SGK1: variants seen among roughly 807,000 people sequenced by gnomAD.
The protein encoded by SGK1 is serum/glucocorticoid regulated kinase 1.
In SGK1, 26 loss-of-function variants were observed where a neutral mutation model predicts 64.2. The observed-to-expected ratio is 0.40, with a 90% CI of 0.30 to 0.56. SGK1 has a LOEUF of 0.56. Ranked by LOEUF, SGK1 falls within the 20% of genes least tolerant of loss-of-function variation. SGK1 has a pLI of 0.38. For missense variants in SGK1, 519 were observed against 645.6 expected, an observed-to-expected ratio of 0.80 and a Z score of 2.12; for synonymous variants, 265 against 239.7, an observed-to-expected ratio of 1.11 and a Z score of -0.98.
chr6:134,207,010 G>T (rs1039065125), intron 3 of SGK1, among the ~76,000 whole-genome samples: 1 of 152,254 alleles, frequency 6.6e-6, no homozygotes, highest in East Asian at 1.9e-4. Context: ...CGAATCACAA[G>T]GTCAGGAGAT....
intron 2 of SGK1, among the ~76,000 whole-genome samples, chr6:134,251,613 G>A (rs1467533763): frequency 6.6e-5 from 10 of 152,094 alleles, no homozygotes; most frequent in African/African-American, 2.2e-4. Context: ...CACTGGGAAC[G>A]CGGCACACTG....
intron 2 of SGK1, among the ~76,000 whole-genome samples, chr6:134,248,596 CA>C (rs1209486728): frequency 6.6e-6 from 1 of 151,852 alleles, no homozygotes; most frequent in Non-Finnish European, 1.5e-5. Flanking sequence ...GGATTACAGT[CA>C]TGTGCCACGA....
chr6:134,311,878 A>G (rs1040033979), intron 1 of SGK1, among the ~76,000 whole-genome samples: 3 of 152,180 alleles, frequency 2.0e-5, no homozygotes, highest in Non-Finnish European at 4.4e-5. Flanking sequence ...GAAAAAATCT[A>G]AAGCAGACTT....
At chr6:134,253,414 A>AT (rs1776634615) in intron 2 of SGK1, among the ~76,000 whole-genome samples, 2 of 151,812 alleles carry the variant, frequency 1.3e-5, no homozygotes, top group Admixed American at 6.6e-5. Context: ...GATTACAGAC[A>AT]TGAGCCACCG....
At chr6:134,274,441 G>T (rs1278871943) in intron 1 of SGK1, among the ~76,000 whole-genome samples, 2 of 152,154 alleles carry the variant, frequency 1.3e-5, no homozygotes, top group Non-Finnish European at 2.9e-5. Context: ...ATGGAAAGGA[G>T]GAAACAATAA....
At chr6:134,172,964 C>T in intron 8 of SGK1, 59 bp downstream of exon 8, 1 of 1,559,294 alleles carries the variant, frequency 6.4e-7, no homozygotes, top group Non-Finnish European at 8.7e-7. Flanking sequence ...TTTTCTCAAA[C>T]TAAAACAAAG....
intron 3 of SGK1, among the ~76,000 whole-genome samples, chr6:134,179,883 C>T (rs1186460099): frequency 4.6e-5 from 7 of 152,178 alleles, no homozygotes; most frequent in African/African-American, 1.7e-4. Flanking sequence ...TTTTTTATGT[C>T]ATTCAGGGGA....
chr6:134,249,253 G>T (rs1776570741), intron 2 of SGK1, among the ~76,000 whole-genome samples: 1 of 152,154 alleles, frequency 6.6e-6, no homozygotes, highest in African/African-American at 2.4e-5. Context: ...TTTTGTGATT[G>T]AAACATGAAA....
At chr6:134,223,238 C>T (rs963884282) in intron 2 of SGK1, among the ~76,000 whole-genome samples, 13 of 151,542 alleles carry the variant, frequency 8.6e-5, no homozygotes, top group East Asian at 1.9e-4. Flanking sequence ...CGTGGTGGTG[C>T]GTGCCTGTAA....
At chr6:134,218,396 T>A (rs554263772) in intron 2 of SGK1, among the ~76,000 whole-genome samples, 1 of 152,060 alleles carries the variant, frequency 6.6e-6, no homozygotes, top group Non-Finnish European at 1.5e-5. Context: ...GACAGACAGA[T>A]CTTGCCCTCA....
At chr6:134,191,735 C>G (rs1775513317) in intron 3 of SGK1, among the ~76,000 whole-genome samples, 2 of 150,282 alleles carry the variant, frequency 1.3e-5, no homozygotes, top group African/African-American at 4.9e-5. Flanking sequence ...GTGGCGTGAT[C>G]TCGGCTCACT....
chr6:134,206,370 TA>T (rs1562250372), intron 3 of SGK1, among the ~76,000 whole-genome samples: 70 of 6,774 alleles, frequency 0.01, no homozygotes, highest in Non-Finnish European at 0.011. Flanking sequence ...TATATATATA[TA>T]TATATATATA....
In SGK1 at chr6:134,256,088, C is replaced by CTTTTTTTTTTTT. The variant is rs68106923; in HGVS notation, c.285+5833_285+5844dup. The stretch of plus-strand genomic sequence containing the variant: ...AAATATTCCTCTTTGGTCCTTTTTC[C>CTTTTTTTTTTTT]TTTTTTTTTTTTTGTATTTTGTCGA... On this transcript the variant is annotated intron_variant, in intron 2 of 13. Transcript: ENST00000367858. Among the ~76,000 whole-genome samples, 8 of 139,240 alleles carry CTTTTTTTTTTTT rather than the reference C, an allele frequency of 5.7e-5. 1 individual carries two copies. The highest frequency in any genetic ancestry group is 1.1e-4 in the Non-Finnish European group (7 of 65,436). The allele number at this position is 139,240 out of a possible 152,430, so 91.3% of individuals were successfully genotyped here.
At chr6:134,249,616 C>G (rs1776576591) in intron 2 of SGK1, 1 of 152,226 alleles carries the variant, frequency 6.6e-6, no homozygotes, top group South Asian at 2.1e-4. Flanking sequence ...TGCGTGGTTG[C>G]TTGGATTTTC....
chr6:134,211,866 C>T (rs1195930679), intron 2 of SGK1, among the ~76,000 whole-genome samples: 2 of 131,376 alleles, frequency 1.5e-5, no homozygotes, highest in East Asian at 4.3e-4. Context: ...GAGCGAGATT[C>T]CGTCTACAAG....
At chr6:134,180,835 G>T (rs1429519070) in intron 3 of SGK1, among the ~76,000 whole-genome samples, 3 of 148,768 alleles carry the variant, frequency 2.0e-5, no homozygotes, top group Non-Finnish European at 4.4e-5. Flanking sequence ...TCTTGCCACT[G>T]CACTCTCGCC....
intron 2 of SGK1, among the ~76,000 whole-genome samples, chr6:134,254,228 G>A (rs1337627600): frequency 6.6e-6 from 1 of 151,980 alleles, no homozygotes; most frequent in Non-Finnish European, 1.5e-5. Context: ...AAGGTCCCGG[G>A]AGGAGATAAG....
intron 1 of SGK1, among the ~76,000 whole-genome samples, chr6:134,290,525 A>T (rs891286465): frequency 2.6e-5 from 4 of 152,028 alleles, no homozygotes; most frequent in Non-Finnish European, 5.9e-5. Context: ...CTTGAAATTA[A>T]TGTTCCAAAT....
At chr6:134,231,462 G>A (rs530044711) in intron 2 of SGK1, among the ~76,000 whole-genome samples, 24 of 152,304 alleles carry the variant, frequency 1.6e-4, no homozygotes, top group African/African-American at 5.5e-4. Context: ...ATGCTGGCAA[G>A]GGTTCGGTAA....
Sources: gnomAD v4.1 joint callset for allele counts (sites outside exome capture counted in the v4.1 genomes callset) on GRCh38, gnomAD v4.1.1 for gene constraint, MANE v1.5 for transcripts, NCBI Gene and HGNC (gene_info 2026-07-23, HGNC 2026-07-21) for gene names.